The following TOPBP1 variants were observed in gnomAD, a reference collection of about 807,000 sequenced individuals.
TOPBP1 encodes the protein DNA topoisomerase II binding protein 1, also known as DNA topoisomerase 2-binding protein 1.
Under a neutral mutation model 167.7 loss-of-function variants are expected in TOPBP1, and 28 were observed. The observed-to-expected ratio is 0.17, with a 90% confidence interval of 0.12 to 0.23. The LOEUF is 0.23. Among genes scored for constraint, TOPBP1 ranks in the 10% least tolerant of loss-of-function variants. TOPBP1 has a pLI of 1.00. For missense variants in TOPBP1, 1,554 were observed against 1,809.6 expected (o/e 0.86, Z 2.56); for synonymous variants, 598 against 611.4 (o/e 0.98, Z 0.32).
chr3:133,640,102 A>G lies in TOPBP1; in HGVS notation c.2090T>C (p.Leu697Pro). The G allele has an allele frequency of 2.5e-6, 4 of 1,613,840 alleles. No homozygotes were observed. Among genetic ancestry groups the G allele is most frequent in the East Asian group, 2.2e-5 (1 of 44,876 alleles). Reference sequence around the variant, plus strand: ...ATATTTAGAGCCACCACGTTCTTTCAGTATAAGATGAGTACTGGCAAACAT... The same window carrying G: ...ATATTTAGAGCCACCACGTTCTTTCGGTATAAGATGAGTACTGGCAAACAT... ...KGMFASTHLILKERGGSKYEA... is the reference protein window; with the variant it reads ...KGMFASTHLIPKERGGSKYEA... The change falls in exon 13 of 28, where the codon CTG (leucine) becomes CCG (proline). Residue 697 changes from leucine to proline, a missense_variant. Physicochemically the swap from Leu to Pro is moderately conservative, Grantham distance 98. Transcript: ENST00000260810.
chr3:133,614,815 C>A (rs1429710695), intron 23 of TOPBP1, among the ~76,000 whole-genome samples: 1 of 137,610 alleles, frequency 7.3e-6, no homozygotes, highest in Non-Finnish European at 1.5e-5. Flanking sequence ...TTTTCCACAC[C>A]GGGGCCTGTC....
intron 14 of TOPBP1, among the ~76,000 whole-genome samples, chr3:133,636,155 T>C (rs952252950): frequency 6.6e-6 from 1 of 152,170 alleles, no homozygotes; most frequent in African/African-American, 2.4e-5. Flanking sequence ...GTACTGACCA[T>C]GGTCTCTATC....
In TOPBP1 at chr3:133,601,117, G is replaced by A. The variant is rs753906664; in HGVS notation, c.*133C>T. The A allele has an allele frequency of 1.8e-5, 12 of 675,548 alleles. No homozygotes were observed. Among genetic ancestry groups the A allele is most frequent in the Admixed American group, 4.0e-5 (1 of 25,266 alleles). The allele number at this position is 675,548 out of a possible 1,614,324, so 41.8% of individuals were successfully genotyped here. A position where few individuals can be genotyped will look rare whatever the true frequency, so the allele number is the denominator to read the frequency against. ...TTTCAGGTGTTCAAAACTCAAGAAG[G>A]GTCATCATTATACTCTGAAGCAGAA... On this transcript the variant is annotated 3_prime_UTR_variant, in exon 28 of 28. Coordinates refer to ENST00000260810, the MANE Select transcript of TOPBP1 (RefSeq NM_007027.4).
intron 2 of TOPBP1, among the ~76,000 whole-genome samples, chr3:133,659,482 T>C (rs1320922924): frequency 1.3e-5 from 2 of 152,208 alleles, no homozygotes; most frequent in Admixed American, 6.5e-5. Flanking sequence ...TGCCTATCTT[T>C]CCACCTTTAC....
chr3:133,648,093 C>CA lies in TOPBP1; in HGVS notation c.1504+1289dup, dbSNP rs775289487. 2.2e-4 allele frequency among the ~76,000 whole-genome samples: 33 copies of CA among 152,244 alleles called. 1 individual carries two copies. The highest frequency in any genetic ancestry group is 6.0e-4 in the African/African-American group (25 of 41,578). The stretch of plus-strand genomic sequence containing the variant: ...ACCAAAAGGAAGACTATCTTAAAAA[C>CA]AGCCAGAGGATAAAGACAGATTATC... On this transcript the variant is annotated intron_variant, in intron 10 of 27. Coordinates refer to ENST00000260810, the MANE Select transcript of TOPBP1 (RefSeq NM_007027.4).
At chr3:133,635,769 A>G (rs1935650981) in intron 14 of TOPBP1, among the ~76,000 whole-genome samples, 1 of 152,158 alleles carries the variant, frequency 6.6e-6, no homozygotes, top group South Asian at 2.1e-4. Flanking sequence ...CAACAATTTC[A>G]CTTCCAGGTA....
At chr3:133,648,615 C>G (rs1164045100) in intron 10 of TOPBP1, among the ~76,000 whole-genome samples, 23 of 152,032 alleles carry the variant, frequency 1.5e-4, no homozygotes, top group Admixed American at 1.5e-3. Context: ...CTGGCCAACA[C>G]TGAGAAACCC....
At position 133,628,680 on chromosome 3, in the gene TOPBP1, T is replaced by C; in HGVS notation, c.2574A>G (p.Lys858=). 6.4e-7 allele frequency: 1 copy of C among 1,562,468 alleles called. No homozygotes were observed. Among genetic ancestry groups the C allele is most frequent in the Non-Finnish European group, 8.7e-7 (1 of 1,152,378 alleles). Reference sequence around the variant, plus strand: ...TAACTTCTGAGAGTGGCGTACTCGGTTTCCTTTTCTGTTGGCTGGGACGTC... The same window carrying C: ...TAACTTCTGAGAGTGGCGTACTCGGCTTCCTTTTCTGTTGGCTGGGACGTC... ...TPGRPSQQKR[K]PSTPLSEVIV... is the part of the protein sequence containing the mutation. Residue 858 remains lysine, a synonymous_variant, in exon 15 of 28, where the codon AAA becomes AAG. Coordinates refer to ENST00000260810, the MANE Select transcript of TOPBP1 (RefSeq NM_007027.4).
intron 14 of TOPBP1, among the ~76,000 whole-genome samples, chr3:133,637,573 T>C (rs1428766786): frequency 6.6e-6 from 1 of 152,244 alleles, no homozygotes; most frequent in Non-Finnish European, 1.5e-5. Context: ...AATATTATCT[T>C]CTTTGTATGA....
At chr3:133,649,712 T>C in intron 9 of TOPBP1, 68 bp downstream of exon 9, 1 of 1,584,598 alleles carries the variant, frequency 6.3e-7, no homozygotes, top group South Asian at 1.2e-5. Flanking sequence ...TTTCCAGAAC[T>C]GCGTGGATAT....
At chr3:133,657,617 A>G (rs1039486847) in intron 4 of TOPBP1, among the ~76,000 whole-genome samples, 181 bp downstream of exon 4, 1 of 152,230 alleles carries the variant, frequency 6.6e-6, no homozygotes, top group Non-Finnish European at 1.5e-5. Context: ...ATTCTACTAT[A>G]TTCAATTTAC....
At position 133,617,248 on chromosome 3, in the gene TOPBP1, T is replaced by C. The variant is rs942877951; in HGVS notation, c.3671A>G (p.Lys1224Arg). The change falls in exon 22 of 28, where the codon AAA becomes AGA. Residue 1224 changes from lysine (K) to arginine (R), a missense_variant. By Grantham distance (26) the Lys-to-Arg change is conservative (BLOSUM62 2). This residue lies in a region of TOPBP1 where 351 missense variants were observed against 432.9 expected (regional missense o/e 0.81). Coordinates refer to ENST00000260810, the MANE Select transcript of TOPBP1 (RefSeq NM_007027.4). Reference protein sequence around the residue: ...PISEELETPIKDSHLIPTPQA... With the variant: ...PISEELETPIRDSHLIPTPQA... Reference sequence around the variant, plus strand: ...AGGCGTAGGGATCAGGTGGCTGTCTTTTATGGGAGTTTCCAGTTCTTCAGA... The same window carrying C: ...AGGCGTAGGGATCAGGTGGCTGTCTCTTATGGGAGTTTCCAGTTCTTCAGA... The C allele has an allele frequency of 1.7e-5, 27 of 1,613,712 alleles. No individual in the cohort carries two copies. The highest frequency in any genetic ancestry group is 2.2e-5 in the Non-Finnish European group (26 of 1,179,836).
intron 16 of TOPBP1, among the ~76,000 whole-genome samples, chr3:133,626,517 C>T (rs116446672): frequency 0.016 from 2,480 of 152,066 alleles, 29 homozygotes; most frequent in Middle Eastern, 0.031. Context: ...AGAACCTGTT[C>T]GACATATAAA....
intron 14 of TOPBP1, among the ~76,000 whole-genome samples, chr3:133,634,844 G>C (rs899419894): frequency 6.6e-6 from 1 of 152,166 alleles, no homozygotes; most frequent in African/African-American, 2.4e-5. Context: ...CCTACCAAAA[G>C]TGACAGGTAA....
chr3:133,645,089 C>A (rs964705634), intron 10 of TOPBP1, among the ~76,000 whole-genome samples: 2 of 152,178 alleles, frequency 1.3e-5, no homozygotes, highest in African/African-American at 4.8e-5. Context: ...CTGTCTAACT[C>A]CAGAGTTCAC....
Position 133,643,368 on chromosome 3 carries a change from G to T in TOPBP1, c.1853C>A (p.Thr618Asn). The T allele has an allele frequency of 1.9e-6, 3 of 1,571,012 alleles. No homozygotes were observed. Among genetic ancestry groups the T allele is most frequent in the Non-Finnish European group, 2.6e-6 (3 of 1,164,324 alleles). Residue 618 changes from threonine to asparagine, a missense_variant, in exon 12 of 28, where the codon ACT becomes AAT. Coordinates refer to ENST00000260810, the MANE Select transcript of TOPBP1 (RefSeq NM_007027.4). ...GEVVTNTWLV[T>N]CIDYQTLFDP... ...AAACAAAGTCTGATAGTCTATGCAA[G>T]TAACCTTTTAAAAACAAAAGAAATA...
chr3:133,642,511 T>G (rs1935925470), intron 12 of TOPBP1, among the ~76,000 whole-genome samples: 1 of 152,218 alleles, frequency 6.6e-6, no homozygotes, highest in Non-Finnish European at 1.5e-5. Flanking sequence ...TAGTATAGTT[T>G]AACGTGTTAT....
At chr3:133,650,006 AT>A (rs1936230200) in intron 8 of TOPBP1, 63 bp from the exon 9 acceptor site, 4 of 1,320,448 alleles carry the variant, frequency 3.0e-6, no homozygotes, top group Non-Finnish European at 4.0e-6. Flanking sequence ...AAAACTAAAA[AT>A]ATATATCTAA....
chr3:133,617,196 G>A lies in TOPBP1; in HGVS notation c.3723C>T (p.Leu1241=), dbSNP rs761397685. ...TPQAPSIAFP[L]ANPPVAPHPR... ...GGTGCGGAGCCACAGGGGGGTTGGC[G>A]AGTGGAAAGGCAATACTGGGGGCTT... The change falls in exon 22 of 28, where the codon CTC becomes CTT. Residue 1241 remains leucine, a synonymous_variant. Transcript: ENST00000260810. 6.2e-6 allele frequency: 10 copies of A among 1,613,454 alleles called. No individual in the cohort carries two copies. The highest frequency in any genetic ancestry group is 8.5e-6 in the Non-Finnish European group (10 of 1,179,738).
Sources: allele counts gnomAD v4.1 joint callset (sites outside exome capture counted in the v4.1 genomes callset), GRCh38; gene constraint gnomAD v4.1.1; regional missense constraint gnomAD v4.1.1; transcripts MANE v1.5; gene names NCBI Gene and HGNC (gene_info 2026-07-23, HGNC 2026-07-21).